The following NCAM2 variants were observed in gnomAD, a reference collection of about 807,000 sequenced individuals.
NCAM2 encodes neural cell adhesion molecule 2.
In NCAM2, 30 loss-of-function variants were observed where a neutral mutation model predicts 98.1. The observed-to-expected ratio is 0.31, with a 90% CI of 0.23 to 0.41. The LOEUF is 0.41. NCAM2 is among the 10% of genes least tolerant of loss of function. The pLI, the probability that NCAM2 is intolerant of heterozygous loss-of-function variation, is 1.00. For synonymous variants in NCAM2, 368 were observed against 342.4 expected (o/e 1.07, Z -0.83); for missense variants, 867 against 1,005.8 (o/e 0.86, Z 1.87).
chr21:21,387,824 G>A (rs775944362), intron 9 of NCAM2, among the ~76,000 whole-genome samples: 4 of 152,098 alleles, frequency 2.6e-5, no homozygotes, highest in Non-Finnish European at 5.9e-5. Flanking sequence ...ATTGGCAAGA[G>A]AAACCAATGA....
chr21:21,422,047 G>A (rs76513935), intron 11 of NCAM2, among the ~76,000 whole-genome samples: 3,019 of 152,152 alleles, frequency 0.02, 85 homozygotes, highest in African/African-American at 0.069. Flanking sequence ...GGCATGGGAT[G>A]TGAAAGCCTG....
At chr21:21,421,341 T>C (rs1021079335) in intron 11 of NCAM2, among the ~76,000 whole-genome samples, 13 of 3,064 alleles carry the variant, frequency 4.2e-3, no homozygotes, top group Non-Finnish European at 6.9e-3. Flanking sequence ...CCAAACATAA[T>C]AAAAATTAAA....
At chr21:21,062,414 A>G (rs553597260) in intron 1 of NCAM2, among the ~76,000 whole-genome samples, 3 of 152,138 alleles carry the variant, frequency 2.0e-5, no homozygotes, top group Non-Finnish European at 4.4e-5. Flanking sequence ...GTGATATTTG[A>G]CTGGTAAATC....
At chr21:21,338,636 T>C in intron 8 of NCAM2, 102 bp downstream of exon 8, 1 of 1,173,210 alleles carries the variant, frequency 8.5e-7, no homozygotes, top group Non-Finnish European at 1.2e-6. Flanking sequence ...TAGTAACTTG[T>C]AGGATCAAAT....
intron 1 of NCAM2, among the ~76,000 whole-genome samples, chr21:21,078,652 C>T (rs1303336806): frequency 6.6e-6 from 1 of 152,092 alleles, no homozygotes; most frequent in Non-Finnish European, 1.5e-5. Context: ...TCTAGACCAG[C>T]AATACCATTT....
intron 1 of NCAM2, among the ~76,000 whole-genome samples, chr21:21,092,123 AAAT>A (rs2066025678): frequency 3.3e-5 from 5 of 152,104 alleles, no homozygotes; most frequent in Admixed American, 1.3e-4. Context: ...ATACATGAAG[AAAT>A]TGCCTGTGAT....
chr21:21,484,097 G>T (rs1005434114), intron 15 of NCAM2, among the ~76,000 whole-genome samples: 3 of 152,024 alleles, frequency 2.0e-5, no homozygotes. Flanking sequence ...CTTTTCCCTT[G>T]TAATTTACAT....
chr21:21,240,216 A>G (rs972246277), intron 1 of NCAM2, among the ~76,000 whole-genome samples: 2 of 152,158 alleles, frequency 1.3e-5, no homozygotes, highest in Admixed American at 6.6e-5. Context: ...GATTTCTTTC[A>G]GCCATTTTTG....
intron 1 of NCAM2, among the ~76,000 whole-genome samples, chr21:21,022,224 TA>T (rs1253428789): frequency 1.3e-5 from 2 of 152,050 alleles, no homozygotes; most frequent in Non-Finnish European, 2.9e-5. Flanking sequence ...AATACATACT[TA>T]AAAAATTAAA....
At chr21:21,142,113 A>G (rs917209561) in intron 1 of NCAM2, among the ~76,000 whole-genome samples, 1 of 152,202 alleles carries the variant, frequency 6.6e-6, no homozygotes, top group African/African-American at 2.4e-5. Context: ...GAATAATTAA[A>G]GTAACATTTG....
intron 14 of NCAM2, among the ~76,000 whole-genome samples, chr21:21,470,272 C>T (rs28550344): frequency 0.093 from 14,203 of 152,020 alleles, 1,212 homozygotes; most frequent in African/African-American, 0.23. Flanking sequence ...TACATATACA[C>T]AGTTTAAAAC....
In NCAM2 at chr21:21,340,775, T is replaced by C. The variant is rs190368359; in HGVS notation, c.1044+2241T>C. Among the ~76,000 whole-genome samples the C allele has an allele frequency of 5.3e-5, 8 of 152,128 alleles. No homozygotes were observed. In the East Asian group the frequency reaches 1.4e-3, roughly 26 times the overall value. On this transcript the variant is annotated intron_variant, in intron 8 of 17. Transcript: ENST00000400546. ...TTGAGCTGAACTTTGAAGTAAAGTT[T>C]ATCTAGTTTTGAATCTCAGCTCTGC...
At chr21:21,167,820 A>T (rs2067999845) in intron 1 of NCAM2, among the ~76,000 whole-genome samples, 1 of 152,204 alleles carries the variant, frequency 6.6e-6, no homozygotes, top group South Asian at 2.1e-4. Context: ...ATCCGTAAGT[A>T]ATACAAAATA....
At chr21:21,033,403 A>G (rs1232610342) in intron 1 of NCAM2, among the ~76,000 whole-genome samples, 5 of 152,240 alleles carry the variant, frequency 3.3e-5, no homozygotes, top group African/African-American at 1.2e-4. Flanking sequence ...AAAAAAAGGC[A>G]TACAAATTTA....
chr21:21,197,789 G>C (rs1242424154), intron 1 of NCAM2, among the ~76,000 whole-genome samples: 1 of 152,174 alleles, frequency 6.6e-6, no homozygotes, highest in Non-Finnish European at 1.5e-5. Context: ...ACAGTAGACT[G>C]AGCTGAGGGA....
chr21:21,349,446 G>A (rs188465618), intron 8 of NCAM2, among the ~76,000 whole-genome samples: 2 of 152,240 alleles, frequency 1.3e-5, no homozygotes, highest in Admixed American at 1.3e-4. Context: ...TGACAAGGAC[G>A]TATAGAAAAG....
intron 1 of NCAM2, among the ~76,000 whole-genome samples, chr21:21,016,743 AT>A (rs550002437): frequency 3.3e-5 from 5 of 152,226 alleles, no homozygotes; most frequent in Admixed American, 3.3e-4. Context: ...TATTATTATT[AT>A]TTAAAAAGGT....
chr21:21,309,565 G>A (rs1377115521), intron 5 of NCAM2, among the ~76,000 whole-genome samples: 1 of 152,046 alleles, frequency 6.6e-6, no homozygotes, highest in East Asian at 1.9e-4. Context: ...TTCTTTCCCT[G>A]GCCTCAGTTA....
At chr21:21,138,138 G>T (rs1601471578) in intron 1 of NCAM2, among the ~76,000 whole-genome samples, 2 of 152,152 alleles carry the variant, frequency 1.3e-5, no homozygotes, top group Admixed American at 6.5e-5. Context: ...GCTTGTGCTA[G>T]TTCCTTATCT....
Sources: allele counts gnomAD v4.1 joint callset (sites outside exome capture counted in the v4.1 genomes callset), GRCh38; gene constraint gnomAD v4.1.1; transcripts MANE v1.5; gene names NCBI Gene and HGNC (gene_info 2026-07-23, HGNC 2026-07-21).